Variants in MCEE observed in about 807,000 individuals in gnomAD.
The protein encoded by MCEE is methylmalonyl-CoA epimerase, mitochondrial.
A neutral mutation model predicts 12.9 loss-of-function variants in MCEE; 6 were observed. The observed-to-expected ratio is 0.47, with a 90% CI of 0.26 to 0.92. The LOEUF (loss-of-function observed/expected upper bound fraction) is 0.92. MCEE is among the 40% of genes least tolerant of loss of function. The pLI is 0.16. For missense variants in MCEE, 214 were observed against 212.1 expected (o/e 1.01, Z -0.05); for synonymous variants, 78 against 77.9 (o/e 1.00, Z -0.01).
chr2:71,129,190 G>A (rs374263504), intron 1 of MCEE, among the ~76,000 whole-genome samples: 1 of 152,276 alleles, frequency 6.6e-6, no homozygotes, highest in Admixed American at 6.5e-5. Flanking sequence ...AGTTCTTGCA[G>A]TATGTATATG....
chr2:71,129,992 C>T (rs1273183150), intron 1 of MCEE, 188 bp downstream of exon 1: 1 of 673,204 alleles, frequency 1.5e-6, no homozygotes, highest in Non-Finnish European at 2.7e-6. Flanking sequence ...CAAGGCAATC[C>T]CCGCTACTAA....
rs150913331 is a variant in MCEE, at chr2:71,112,066, T to C, written c.379-1944A>G. 1.9e-3 allele frequency among the ~76,000 whole-genome samples: 283 copies of C among 152,318 alleles called. 3 individuals carry two copies. Among genetic ancestry groups the C allele is most frequent in the African/African-American group, 6.3e-3 (264 of 41,576 alleles). The stretch of plus-strand genomic sequence containing the variant: ...ATTACATGTCATTCTATAATATGTC[T>C]TTTTTACTTTGATTGCTTTTAAGAT... On this transcript the variant is annotated intron_variant, in intron 2 of 2. Transcript: ENST00000244217.
intron 1 of MCEE, chr2:71,129,592 A>T (rs67954722): frequency 0.14 from 21,654 of 153,080 alleles, 1,920 homozygotes; most frequent in Admixed American, 0.24. Flanking sequence ...TACATATTTT[A>T]AAAAAAATGA....
intron 1 of MCEE, among the ~76,000 whole-genome samples, chr2:71,126,568 CAAAAA>C (rs70959207): frequency 1.8e-4 from 13 of 72,138 alleles, no homozygotes; most frequent in African/African-American, 6.9e-4. Context: ...TACATTTTAC[CAAAAA>C]AAAAAAAAAA....
rs111033538 is a variant in MCEE at position 71,124,445 on chromosome 2, G to C, written c.139C>G (p.Arg47Gly). ...QVTGSVWNLGRLNHVAIAVPD... is the reference protein window; with the variant it reads ...QVTGSVWNLGGLNHVAIAVPD... ...ACTGCTATGGCTACATGGTTGAGTCGACCCAGGTTCCACACAGAACCTGTC... is the reference window on the plus strand; with the variant it reads ...ACTGCTATGGCTACATGGTTGAGTCCACCCAGGTTCCACACAGAACCTGTC... Residue 47 changes from arginine (R) to glycine (G), a missense_variant, in exon 2 of 3, where the codon CGA becomes GGA. Physicochemically the swap from Arg to Gly is moderately radical, Grantham distance 125 (BLOSUM62 -2). Coordinates refer to ENST00000244217, the MANE Select transcript of MCEE (RefSeq NM_032601.4). 11 of 1,614,068 alleles carry C rather than the reference G, an allele frequency of 6.8e-6. No individual in the cohort carries two copies. The highest frequency in any genetic ancestry group is 9.3e-6 in the Non-Finnish European group (11 of 1,180,002).
intron 1 of MCEE, among the ~76,000 whole-genome samples, chr2:71,128,530 A>T (rs967833277): frequency 7.4e-5 from 11 of 148,034 alleles, no homozygotes; most frequent in South Asian, 2.1e-4. Flanking sequence ...TTAAAAAGCA[A>T]TTTTTTTTTT....
At chr2:71,125,211 A>ATATATATATATTTTTTTTTTTTTTTT in intron 1 of MCEE, among the ~76,000 whole-genome samples, 6 of 48,608 alleles carry the variant, frequency 1.2e-4, no homozygotes, top group Non-Finnish European at 2.2e-4. Flanking sequence ...ATATATATAT[A>ATATATATATATTTTTTTTTTTTTTTT]TTTTTTTTTT....
At chr2:71,115,707 T>TA (rs111311371) in intron 2 of MCEE, among the ~76,000 whole-genome samples, 1 of 144,574 alleles carries the variant, frequency 6.9e-6, no homozygotes, top group African/African-American at 2.7e-5. Flanking sequence ...ACCCATCTTT[T>TA]AAAAAAAGGG....
At chr2:71,115,903 T>A (rs1255320698) in intron 2 of MCEE, among the ~76,000 whole-genome samples, 3 of 149,554 alleles carry the variant, frequency 2.0e-5, no homozygotes, top group Admixed American at 2.0e-4. Flanking sequence ...ATGGCACATG[T>A]GTACCTTATG....
intron 2 of MCEE, among the ~76,000 whole-genome samples, chr2:71,116,260 G>C (rs987364995): frequency 6.7e-6 from 1 of 149,916 alleles, no homozygotes; most frequent in Middle Eastern, 3.4e-3. Context: ...TTTTAGTAGA[G>C]ACAGGGTTTC....
chr2:71,124,126 A>G (rs1417553366), intron 2 of MCEE, 80 bp downstream of exon 2: 1 of 1,049,744 alleles, frequency 9.5e-7, no homozygotes, highest in Non-Finnish European at 1.4e-6. Flanking sequence ...AATGACAGTG[A>G]CCATAAATAG....
chr2:71,129,859 C>T (rs1421934398), intron 1 of MCEE: 4 of 482,608 alleles, frequency 8.3e-6, no homozygotes, highest in Non-Finnish European at 3.8e-6. Context: ...CGATCCGCTT[C>T]TATTTACTTC....
At chr2:71,112,238 G>C (rs1022429106) in intron 2 of MCEE, among the ~76,000 whole-genome samples, 1 of 152,084 alleles carries the variant, frequency 6.6e-6, no homozygotes, top group East Asian at 1.9e-4. Context: ...CAGGGTTCAA[G>C]CAATTCTCCT....
chr2:71,125,167 G>A (rs1384986857), intron 1 of MCEE, among the ~76,000 whole-genome samples: 1 of 114,678 alleles, frequency 8.7e-6, no homozygotes, highest in South Asian at 3.0e-4. Flanking sequence ...GTGTGTGTGT[G>A]TATGTGTGTG....
At chr2:71,125,211 A>ATATATATTTTTTTTTT in intron 1 of MCEE, among the ~76,000 whole-genome samples, 13 of 48,606 alleles carry the variant, frequency 2.7e-4, no homozygotes, top group Admixed American at 2.0e-3. Flanking sequence ...ATATATATAT[A>ATATATATTTTTTTTTT]TTTTTTTTTT....
chr2:71,115,826 A>C (rs1672980636), intron 2 of MCEE, among the ~76,000 whole-genome samples: 2 of 140,020 alleles, frequency 1.4e-5, no homozygotes. Flanking sequence ...GGGTGGGGGA[A>C]AGGGGGGGAT....
At chr2:71,125,211 A>ATATATATTTTTTTTTTTTTT in intron 1 of MCEE, among the ~76,000 whole-genome samples, 1 of 48,592 alleles carries the variant, frequency 2.1e-5, no homozygotes, top group Non-Finnish European at 4.4e-5. Context: ...ATATATATAT[A>ATATATATTTTTTTTTTTTTT]TTTTTTTTTT....
At chr2:71,113,848 T>C (rs1173013522) in intron 2 of MCEE, among the ~76,000 whole-genome samples, 3 of 152,168 alleles carry the variant, frequency 2.0e-5, no homozygotes. Context: ...CCTCCTCACC[T>C]GGGAGATCAA....
Position 71,109,981 on chromosome 2 carries a change from C to G in MCEE, c.520G>C (p.Glu174Gln), listed in dbSNP as rs200334627. Residue 174 changes from glutamate (E) to glutamine (Q), a missense_variant, in exon 3 of 3, where the codon GAG becomes CAG. By Grantham distance (29) the Glu-to-Gln change is conservative. Coordinates refer to ENST00000244217, the MANE Select transcript of MCEE (RefSeq NM_032601.4). Reference sequence around the variant, plus strand: ...CTTGCAAATATAAATCAAGCTTGCTCCAGTTCCACAAGGACTCCACCACAG... The same window carrying G: ...CTTGCAAATATAAATCAAGCTTGCTGCAGTTCCACAAGGACTCCACCACAG... ...KDCGGVLVEL[E>Q]QA The G allele has an allele frequency of 7.8e-5, 126 of 1,613,482 alleles. 1 individual carries two copies. The highest frequency in any genetic ancestry group is 1.6e-4 in the Middle Eastern group (1 of 6,080).
Sources: allele counts gnomAD v4.1 joint callset (sites outside exome capture counted in the v4.1 genomes callset), GRCh38; gene constraint gnomAD v4.1.1; transcripts MANE v1.5; gene names NCBI Gene and HGNC (gene_info 2026-07-23, HGNC 2026-07-21).